Variants in GASK1B observed in about 807,000 individuals in gnomAD.
GASK1B encodes Golgi-associated kinase 1B.
Under a neutral mutation model 42.8 loss-of-function variants are expected in GASK1B, and 34 were observed. The observed-to-expected ratio is 0.79, with a 90% CI of 0.60 to 1.06. The LOEUF is 1.06. Ranked by LOEUF, GASK1B falls within the 50% of genes least tolerant of loss-of-function variation. GASK1B has a pLI of 0.00. For synonymous variants in GASK1B, 262 were observed against 259.1 expected, an observed-to-expected ratio of 1.01 and a Z score of -0.11; for missense variants, 686 against 661.0, an observed-to-expected ratio of 1.04 and a Z score of -0.42.
rs563828696 is a variant in GASK1B, at chr4:158,171,036, T to C, written c.340A>G (p.Lys114Glu). ...PNVVYITLRS[K>E]RSKPANIRGT... is the part of the protein sequence containing the mutation. ...CGGATATTGGCCGGCTTGCTGCGCTTGGAGCGTAGGGTAATGTACACCACA... is the reference window on the plus strand; with the variant it reads ...CGGATATTGGCCGGCTTGCTGCGCTCGGAGCGTAGGGTAATGTACACCACA... Residue 114 changes from lysine (K) to glutamate (E), a missense_variant, in exon 2 of 5, where the codon AAG becomes GAG. By Grantham distance (56) the Lys-to-Glu change is moderately conservative. Transcript: ENST00000585682. 39 of 1,613,932 alleles carry C rather than the reference T, an allele frequency of 2.4e-5. No individual in the cohort carries two copies. In the African/African-American group the frequency reaches 2.5e-4, roughly 10 times the overall value.
chr4:158,152,771 G>A (rs750060092), intron 3 of GASK1B, among the ~76,000 whole-genome samples: 2 of 152,142 alleles, frequency 1.3e-5, no homozygotes, highest in African/African-American at 2.4e-5. Flanking sequence ...CTCAACAGAT[G>A]CAGAAAAATC....
Position 158,171,125 on chromosome 4 carries a change from A to G in GASK1B, c.251T>C (p.Ile84Thr), listed in dbSNP as rs201027577. ...AGGGGCCAGGGTACCATCCAGGGGT[A>G]TCTCAGGGAAGGATGGCTCGGCGGT... Reference protein sequence around the residue: ...RDTAEPSFPEIPLDGTLAPPE... With the variant: ...RDTAEPSFPETPLDGTLAPPE... Residue 84 changes from isoleucine to threonine, a missense_variant, in exon 2 of 5, where the codon ATA becomes ACA. Physicochemically the swap from Ile to Thr is moderately conservative, Grantham distance 89 (BLOSUM62 -1). Transcript: ENST00000585682. The G allele has an allele frequency of 6.2e-6, 10 of 1,608,532 alleles. No homozygotes were observed. The highest frequency in any genetic ancestry group is 1.3e-5 in the African/African-American group (1 of 74,818).
At chr4:158,131,853 T>C in intron 3 of GASK1B, among the ~76,000 whole-genome samples, 1 of 152,142 alleles carries the variant, frequency 6.6e-6, no homozygotes, top group East Asian at 1.9e-4. Context: ...TGTAAACGCC[T>C]GAGTAACAGG....
chr4:158,127,711 A>T, intron 4 of GASK1B, 97 bp from the exon 5 acceptor site: 1 of 1,078,222 alleles, frequency 9.3e-7, no homozygotes, highest in South Asian at 1.6e-5. Context: ...CATAAATCAC[A>T]CTAACAAATG....
chr4:158,127,959 C>G (rs1730525987), intron 4 of GASK1B, among the ~76,000 whole-genome samples: 1 of 152,100 alleles, frequency 6.6e-6, no homozygotes, highest in Non-Finnish European at 1.5e-5. Context: ...GTGGAAACCC[C>G]TTTAATCTGT....
In GASK1B at chr4:158,171,313, C is replaced by G. The variant is rs769694090; in HGVS notation, c.63G>C (p.Pro21=). The G allele has an allele frequency of 6.2e-7, 1 of 1,612,678 alleles. No individual in the cohort carries two copies. Among genetic ancestry groups the G allele is most frequent in the East Asian group, 2.2e-5 (1 of 44,858 alleles). The change falls in exon 2 of 5, where the codon CCG becomes CCC. Residue 21 remains proline (P), a synonymous_variant. Coordinates refer to ENST00000585682, the MANE Select transcript of GASK1B (RefSeq NM_001128424.2). Reference sequence around the variant, plus strand: ...GGCTGCTCCAGAGCTTACGCACCCGCGGGACGCACAGGGAGCAGATGAACC... The same window carrying G: ...GGCTGCTCCAGAGCTTACGCACCCGGGGGACGCACAGGGAGCAGATGAACC... ...INWFICSLCV[P]RVRKLWSSRR... is the part of the protein sequence containing the mutation.
intron 2 of GASK1B, among the ~76,000 whole-genome samples, chr4:158,167,507 G>C (rs1301113710): frequency 3.9e-5 from 6 of 152,154 alleles, no homozygotes; most frequent in Non-Finnish European, 8.8e-5. Context: ...ATTAGAAGCT[G>C]GTGGCTTCCA....
At chr4:158,131,882 G>A (rs371744263) in intron 3 of GASK1B, among the ~76,000 whole-genome samples, 273 of 152,042 alleles carry the variant, frequency 1.8e-3, no homozygotes, top group African/African-American at 6.1e-3. Flanking sequence ...TCTTTACCTC[G>A]AACACCTGGT....
chr4:158,158,787 G>A (rs1326620965), intron 2 of GASK1B, among the ~76,000 whole-genome samples: 2 of 152,038 alleles, frequency 1.3e-5, no homozygotes, highest in Admixed American at 1.3e-4. Context: ...ATTGTGTATG[G>A]TGAAACTTAA....
intron 3 of GASK1B, among the ~76,000 whole-genome samples, chr4:158,144,894 A>C (rs1296859083): frequency 6.6e-6 from 1 of 152,202 alleles, no homozygotes; most frequent in Non-Finnish European, 1.5e-5. Context: ...TGATTCAGCA[A>C]AGCAATAAAA....
Position 158,170,708 on chromosome 4 carries a change from C to G in GASK1B, c.668G>C (p.Arg223Thr), listed in dbSNP as rs1450983202. The G allele has an allele frequency of 2.5e-6, 4 of 1,614,094 alleles. No individual in the cohort carries two copies. The highest frequency in any genetic ancestry group is 3.4e-6 in the Non-Finnish European group (4 of 1,180,056). ...PSWLSKDDIR[R>T]MRLLADSAVA... is the part of the protein sequence containing the mutation. ...TGCGCTGTCCGCCAAGAGTCGCATT[C>G]TTCGGATGTCATCTTTGCTCAGCCA... The change falls in exon 2 of 5, where the codon AGA becomes ACA. Residue 223 changes from arginine (R) to threonine (T), a missense_variant. Coordinates refer to ENST00000585682, the MANE Select transcript of GASK1B (RefSeq NM_001128424.2).
chr4:158,141,577 G>A (rs1422353941), intron 3 of GASK1B, among the ~76,000 whole-genome samples: 1 of 149,310 alleles, frequency 6.7e-6, no homozygotes, highest in African/African-American at 2.5e-5. Context: ...AGATTCATAG[G>A]TCAGTGCCTT....
intron 3 of GASK1B, among the ~76,000 whole-genome samples, chr4:158,154,252 C>A (rs1050292100): frequency 8.6e-5 from 13 of 150,846 alleles, no homozygotes; most frequent in Admixed American, 1.3e-4. Flanking sequence ...AAATGGTCAA[C>A]AAACATATGA....
intron 3 of GASK1B, among the ~76,000 whole-genome samples, chr4:158,149,967 C>CAGTTTGGAG (rs1293896066): frequency 8.9e-6 from 1 of 112,882 alleles, no homozygotes; most frequent in Non-Finnish European, 1.7e-5. Flanking sequence ...CTCTGTCGCC[C>CAGTTTGGAG]AGTTTGGAGT....
intron 2 of GASK1B, among the ~76,000 whole-genome samples, chr4:158,160,907 G>A (rs1296803473): frequency 6.6e-6 from 1 of 152,062 alleles, no homozygotes; most frequent in Non-Finnish European, 1.5e-5. Context: ...ATCTAAAAAA[G>A]TTGAGCTCAA....
At chr4:158,148,367 G>A (rs1453992622) in intron 3 of GASK1B, among the ~76,000 whole-genome samples, 1 of 152,162 alleles carries the variant, frequency 6.6e-6, no homozygotes, top group Non-Finnish European at 1.5e-5. Flanking sequence ...AAAGGAAAGA[G>A]GTAATTTCAT....
chr4:158,164,562 G>A (rs1732153378), intron 2 of GASK1B, among the ~76,000 whole-genome samples: 1 of 152,174 alleles, frequency 6.6e-6, no homozygotes, highest in South Asian at 2.1e-4. Flanking sequence ...TAAAGAAATA[G>A]CCTTAGGGCT....
rs1488288943 is a variant in GASK1B at position 158,127,419 on chromosome 4, A to G, written c.1548T>C (p.Pro516=). Residue 516 remains proline, a synonymous_variant, in exon 5 of 5, where the codon CCT becomes CCC. Coordinates refer to ENST00000585682, the MANE Select transcript of GASK1B (RefSeq NM_001128424.2). ...YINAHGVKVL[P]MNE ...GAAGATTCTTTTGTCATTCATTCAT[A>G]GGTAATACTTTGACCCCGTGTGCAT... The G allele has an allele frequency of 2.5e-6, 4 of 1,612,854 alleles. No individual in the cohort carries two copies. The highest frequency in any genetic ancestry group is 2.5e-6 in the Non-Finnish European group (3 of 1,179,286).
rs186978541 is a variant in GASK1B at position 158,155,011 on chromosome 4, A to T, written c.1125+600T>A. 1.2e-4 allele frequency among the ~76,000 whole-genome samples: 19 copies of T among 152,290 alleles called. No individual in the cohort carries two copies. The East Asian group carries it at 1.5e-3, about 12-fold the overall frequency. The stretch of plus-strand genomic sequence containing the variant: ...GTCCCCCCAAAACCTATTGAAATTT[A>T]AAAAAATTAAAATTAAAAAATAAAA... On this transcript the variant is annotated intron_variant, in intron 3 of 4. Transcript: ENST00000585682.
Sources: gnomAD v4.1 joint callset for allele counts (sites outside exome capture counted in the v4.1 genomes callset) on GRCh38, gnomAD v4.1.1 for gene constraint, MANE v1.5 for transcripts, NCBI Gene and HGNC (gene_info 2026-07-23, HGNC 2026-07-21) for gene names.